Variants in CDH18 observed in about 807,000 individuals in gnomAD.
CDH18 encodes cadherin 18.
A neutral mutation model predicts 67.9 loss-of-function variants in CDH18; 31 were observed. That is an observed-to-expected ratio of 0.46 (90% CI 0.34 to 0.62). CDH18 has a LOEUF of 0.62. CDH18 is among the 20% of genes least tolerant of loss of function. The pLI, the probability that CDH18 is intolerant of heterozygous loss-of-function variation, is 0.01. For missense variants in CDH18, 890 were observed against 975.5 expected (o/e 0.91, Z 1.17); for synonymous variants, 362 against 347.2 (o/e 1.04, Z -0.48).
At chr5:19,765,551 A>G (rs1431479594) in intron 3 of CDH18, among the ~76,000 whole-genome samples, 7 of 152,184 alleles carry the variant, frequency 4.6e-5, no homozygotes, top group Non-Finnish European at 7.4e-5. Flanking sequence ...TGGTTATTGA[A>G]TAACATAATT....
chr5:20,058,250 A>G (rs1742167585), intron 2 of CDH18, among the ~76,000 whole-genome samples: 1 of 152,182 alleles, frequency 6.6e-6, no homozygotes, highest in East Asian at 1.9e-4. Flanking sequence ...CAAATATACA[A>G]GTCATCATAG....
At chr5:19,530,524 C>T (rs1340600797) in intron 9 of CDH18, among the ~76,000 whole-genome samples, 1 of 152,070 alleles carries the variant, frequency 6.6e-6, no homozygotes, top group South Asian at 2.1e-4. Context: ...TGTTGGTGTG[C>T]TGCACCCATT....
chr5:20,468,975 A>G (rs1751861423), intron 1 of CDH18, among the ~76,000 whole-genome samples: 1 of 152,216 alleles, frequency 6.6e-6, no homozygotes. Context: ...TGATCTAAAA[A>G]GACATTATTT....
At chr5:20,116,534 C>A (rs1356542245) in intron 2 of CDH18, among the ~76,000 whole-genome samples, 5 of 151,760 alleles carry the variant, frequency 3.3e-5, no homozygotes, top group Non-Finnish European at 7.4e-5. Context: ...AAAAATTAAA[C>A]TGTTCATTTT....
At chr5:19,917,350 C>G (rs1791934592) in intron 2 of CDH18, among the ~76,000 whole-genome samples, 1 of 149,900 alleles carries the variant, frequency 6.7e-6, no homozygotes. Context: ...CCCCCGCCCC[C>G]TTTTTTTTCT....
intron 1 of CDH18, among the ~76,000 whole-genome samples, chr5:20,324,363 C>T (rs919809003): frequency 6.6e-6 from 1 of 152,072 alleles, no homozygotes; most frequent in Non-Finnish European, 1.5e-5. Context: ...CATGGTGAAA[C>T]CCCGTCTCTA....
intron 2 of CDH18, among the ~76,000 whole-genome samples, chr5:20,158,255 A>G (rs1014672731): frequency 1.3e-5 from 2 of 152,174 alleles, no homozygotes; most frequent in Non-Finnish European, 2.9e-5. Flanking sequence ...AACAAGAGAA[A>G]AATAAAATGG....
chr5:20,508,989 T>C (rs941399904), intron 1 of CDH18, among the ~76,000 whole-genome samples: 2 of 152,138 alleles, frequency 1.3e-5, no homozygotes, highest in African/African-American at 4.8e-5. Flanking sequence ...ATTGTACATA[T>C]TTATTGTGTA....
intron 2 of CDH18, among the ~76,000 whole-genome samples, chr5:20,102,708 C>G (rs1304226241): frequency 6.6e-6 from 1 of 152,008 alleles, no homozygotes; most frequent in East Asian, 1.9e-4. Flanking sequence ...TATTTACAAA[C>G]TGATAAAGCC....
chr5:19,866,190 C>T (rs1179275132), intron 2 of CDH18, among the ~76,000 whole-genome samples: 1 of 152,194 alleles, frequency 6.6e-6, no homozygotes, highest in Non-Finnish European at 1.5e-5. Context: ...TGAAGCATGC[C>T]TTGAGGCGTT....
intron 7 of CDH18, among the ~76,000 whole-genome samples, chr5:19,590,346 T>C (rs1359030030): frequency 6.6e-6 from 1 of 152,096 alleles, no homozygotes; most frequent in Non-Finnish European, 1.5e-5. Flanking sequence ...TTCTTAGAAC[T>C]TCCCCATGGT....
chr5:20,160,235 C>G (rs1290456108), intron 2 of CDH18, among the ~76,000 whole-genome samples: 1 of 152,176 alleles, frequency 6.6e-6, no homozygotes, highest in African/African-American at 2.4e-5. Context: ...CTATTAAGAT[C>G]AGAGTATAGT....
At chr5:20,287,888 C>T (rs1746804332) in intron 1 of CDH18, among the ~76,000 whole-genome samples, 2 of 151,794 alleles carry the variant, frequency 1.3e-5, no homozygotes, top group South Asian at 2.1e-4. Context: ...TTGAAACTGA[C>T]CTGAACAACA....
At chr5:19,927,584 C>A (rs185232663) in intron 2 of CDH18, among the ~76,000 whole-genome samples, 1 of 152,076 alleles carries the variant, frequency 6.6e-6, no homozygotes, top group African/African-American at 2.4e-5. Flanking sequence ...TATGAAAGCA[C>A]ATATATATAA....
intron 1 of CDH18, among the ~76,000 whole-genome samples, chr5:20,564,559 T>G (rs556659341): frequency 6.6e-6 from 1 of 152,244 alleles, no homozygotes; most frequent in East Asian, 1.9e-4. Context: ...AATCACCATT[T>G]TAAATACAAC....
intron 1 of CDH18, among the ~76,000 whole-genome samples, chr5:20,541,904 C>T (rs1319612720): frequency 6.6e-6 from 1 of 152,118 alleles, no homozygotes; most frequent in East Asian, 1.9e-4. Context: ...AGCTTTACAT[C>T]CCTGACGAGG....
At chr5:20,125,032 G>A (rs1748699020) in intron 2 of CDH18, among the ~76,000 whole-genome samples, 2 of 152,136 alleles carry the variant, frequency 1.3e-5, no homozygotes, top group African/African-American at 4.8e-5. Context: ...ACAGAGAGGA[G>A]GATGATTTGT....
At chr5:20,275,330 C>T (rs1190349993) in intron 1 of CDH18, among the ~76,000 whole-genome samples, 2 of 152,046 alleles carry the variant, frequency 1.3e-5, no homozygotes, top group Non-Finnish European at 2.9e-5. Flanking sequence ...ATCATGCTCT[C>T]TCTCTCTCCT....
At chr5:20,540,646 G>T (rs1381412647) in intron 1 of CDH18, among the ~76,000 whole-genome samples, 5 of 152,152 alleles carry the variant, frequency 3.3e-5, no homozygotes, top group Non-Finnish European at 5.9e-5. Flanking sequence ...CATATTGGTA[G>T]CACATCCAGA....
Sources: allele counts gnomAD v4.1 joint callset (sites outside exome capture counted in the v4.1 genomes callset), GRCh38; gene constraint gnomAD v4.1.1; transcripts MANE v1.5; gene names NCBI Gene and HGNC (gene_info 2026-07-23, HGNC 2026-07-21).